Variants in DMRT1 observed in about 807,000 individuals in gnomAD.
The protein encoded by DMRT1 is doublesex and mab-3 related transcription factor 1, also known as doublesex- and mab-3-related transcription factor 1.
A neutral mutation model predicts 32.3 loss-of-function variants in DMRT1; 7 were observed. The ratio of observed to expected loss-of-function variants is 0.22; its 90% confidence interval spans 0.12 to 0.41. DMRT1 has a LOEUF of 0.41. DMRT1 is among the 10% of genes least tolerant of loss of function. The pLI, the probability that DMRT1 is intolerant of heterozygous loss-of-function variation, is 1.00. For synonymous variants in DMRT1, 278 were observed against 206.1 expected, an observed-to-expected ratio of 1.35 and a Z score of -2.99; for missense variants, 625 against 500.5, an observed-to-expected ratio of 1.25 and a Z score of -2.37.
chr9:953,475 C>T (rs1461981798), intron 4 of DMRT1, among the ~76,000 whole-genome samples: 1 of 152,190 alleles, frequency 6.6e-6, no homozygotes, highest in Non-Finnish European at 1.5e-5. Context: ...CGAAAATCTT[C>T]TCTTGCAGTT....
intron 2 of DMRT1, among the ~76,000 whole-genome samples, chr9:868,302 A>G (rs1816079621): frequency 6.6e-6 from 1 of 152,186 alleles, no homozygotes; most frequent in Non-Finnish European, 1.5e-5. Context: ...TTACAAGGCA[A>G]GCATTATCCT....
chr9:849,797 C>A (rs552148078), intron 2 of DMRT1, among the ~76,000 whole-genome samples: 2 of 150,552 alleles, frequency 1.3e-5, no homozygotes, highest in African/African-American at 4.9e-5. Context: ...GGAGCCTTTA[C>A]CTTCTGAGGA....
intron 1 of DMRT1, 30 bp downstream of exon 1, chr9:842,222 C>T (rs1244073808): frequency 1.5e-6 from 2 of 1,338,454 alleles, no homozygotes; most frequent in Non-Finnish European, 2.0e-6. Context: ...AGCCCGGGTT[C>T]AGCCTTAGTT....
chr9:915,537 C>T (rs1180470863), intron 3 of DMRT1, among the ~76,000 whole-genome samples: 3 of 152,018 alleles, frequency 2.0e-5, no homozygotes, highest in Admixed American at 6.6e-5. Flanking sequence ...TACTGCCTTC[C>T]GAGTTTTGCT....
At chr9:935,231 A>G (rs1227786820) in intron 4 of DMRT1, among the ~76,000 whole-genome samples, 3 of 152,226 alleles carry the variant, frequency 2.0e-5, no homozygotes, top group Non-Finnish European at 4.4e-5. Context: ...GTTCCAGTGG[A>G]AAAGCCCCTA....
intron 4 of DMRT1, among the ~76,000 whole-genome samples, chr9:923,944 A>G (rs1488210724): frequency 1.3e-5 from 2 of 152,212 alleles, no homozygotes; most frequent in South Asian, 2.1e-4. Context: ...TTAACTTGGA[A>G]CAGAGAAGTA....
chr9:882,196 A>C (rs2132631578), intron 2 of DMRT1, among the ~76,000 whole-genome samples: 1 of 152,296 alleles, frequency 6.6e-6, no homozygotes, highest in African/African-American at 2.4e-5. Context: ...TAACTTTAGC[A>C]TGCCACTGTG....
chr9:964,593 T>C (rs938147886), intron 4 of DMRT1, among the ~76,000 whole-genome samples: 1 of 152,212 alleles, frequency 6.6e-6, no homozygotes, highest in African/African-American at 2.4e-5. Flanking sequence ...TCAATGATTA[T>C]AGGGTAGTAT....
At chr9:928,251 G>C (rs1818592097) in intron 4 of DMRT1, among the ~76,000 whole-genome samples, 1 of 152,170 alleles carries the variant, frequency 6.6e-6, no homozygotes, top group Non-Finnish European at 1.5e-5. Flanking sequence ...ACAGCAGCCG[G>C]CTCTGCAGTC....
chr9:930,261 G>T (rs1040875161), intron 4 of DMRT1, among the ~76,000 whole-genome samples: 1 of 152,070 alleles, frequency 6.6e-6, no homozygotes, highest in African/African-American at 2.4e-5. Context: ...CCAGGCTAGA[G>T]TGCAGTGGCA....
rs758154407 is a variant in DMRT1, at chr9:841,931, T to G, written c.93T>G (p.Phe31Leu). ...CGCCGCAGGGCAGAGCCGGGGGCTT[T>G]GGCAAAGCGTCTGGGGCGCTAGTGG... ...GVPPQGRAGGFGKASGALVGA... is the reference protein window; with the variant it reads ...GVPPQGRAGGLGKASGALVGA... The change falls in exon 1 of 5, where the codon TTT (phenylalanine) becomes TTG (leucine). Residue 31 changes from phenylalanine (F) to leucine (L), a missense_variant. By Grantham distance (22) the Phe-to-Leu change is conservative. Around this residue, in one of 3 missense-constraint regions of DMRT1, gnomAD observed 201 missense variants for 152.0 expected, o/e 1.32. Transcript: ENST00000382276. 1.9e-6 allele frequency: 3 copies of G among 1,605,314 alleles called. No individual in the cohort carries two copies. Among genetic ancestry groups the G allele is most frequent in the Non-Finnish European group, 2.6e-6 (3 of 1,176,102 alleles).
intron 2 of DMRT1, among the ~76,000 whole-genome samples, chr9:863,331 A>C (rs548158290): frequency 6.6e-6 from 1 of 151,804 alleles, no homozygotes; most frequent in East Asian, 1.9e-4. Flanking sequence ...AAAAAAAAAA[A>C]AAAAAAGGGC....
chr9:967,985 T>C lies in DMRT1; in HGVS notation c.968T>C (p.Val323Ala). Residue 323 changes from valine to alanine, a missense_variant and splice_region_variant, in exon 5 of 5, where the codon GTA (valine) becomes GCA (alanine). Physicochemically the swap from Val to Ala is moderately conservative, Grantham distance 64 (BLOSUM62 0). This residue lies in a region of DMRT1 where 416 missense variants were observed against 321.6 expected (regional missense o/e 1.29). Transcript: ENST00000382276. Reference protein sequence around the residue: ...APSYPEARASVFSPPSSQDSG... With the variant: ...APSYPEARASAFSPPSSQDSG... Reference sequence around the variant, plus strand: ...CTTTCTCTCTCACCTCACTTCGCAGTATTCTCGCCGCCCAGCAGTCAAGAT... The same window carrying C: ...CTTTCTCTCTCACCTCACTTCGCAGCATTCTCGCCGCCCAGCAGTCAAGAT... 1 of 1,606,646 alleles carries C rather than the reference T, an allele frequency of 6.2e-7. No homozygotes were observed. The highest frequency in any genetic ancestry group is 8.5e-7 in the Non-Finnish European group (1 of 1,174,878).
chr9:895,202 G>A (rs529685537), intron 3 of DMRT1, among the ~76,000 whole-genome samples: 2 of 152,312 alleles, frequency 1.3e-5, no homozygotes, highest in Admixed American at 1.3e-4. Context: ...AGAGAAGGGA[G>A]CGTTTATCTA....
At chr9:952,547 G>A (rs1819462302) in intron 4 of DMRT1, among the ~76,000 whole-genome samples, 1 of 152,152 alleles carries the variant, frequency 6.6e-6, no homozygotes, top group South Asian at 2.1e-4. Flanking sequence ...ATGTAAATTG[G>A]TCAGTTTTGA....
intron 4 of DMRT1, among the ~76,000 whole-genome samples, chr9:923,121 C>T (rs955503907): frequency 2.6e-5 from 4 of 152,182 alleles, no homozygotes; most frequent in African/African-American, 4.8e-5. Context: ...GGGTAGCTTG[C>T]ACCTCAGGGA....
chr9:881,075 C>G (rs1452594449), intron 2 of DMRT1, among the ~76,000 whole-genome samples: 3 of 152,048 alleles, frequency 2.0e-5, no homozygotes, highest in Non-Finnish European at 4.4e-5. Context: ...GCAAAGTGGT[C>G]TGGGGTGTGG....
intron 4 of DMRT1, among the ~76,000 whole-genome samples, chr9:957,042 C>A (rs1452344335): frequency 6.6e-6 from 1 of 152,184 alleles, no homozygotes; most frequent in Non-Finnish European, 1.5e-5. Context: ...TATGAATGAT[C>A]CTGTCACCCA....
At chr9:857,033 G>A (rs905199364) in intron 2 of DMRT1, among the ~76,000 whole-genome samples, 2 of 152,198 alleles carry the variant, frequency 1.3e-5, no homozygotes, top group Admixed American at 1.3e-4. Context: ...TTAATATTCA[G>A]GCTGGGTGTG....
Sources: allele counts gnomAD v4.1 joint callset (sites outside exome capture counted in the v4.1 genomes callset), GRCh38; gene constraint gnomAD v4.1.1; regional missense constraint gnomAD v4.1.1; transcripts MANE v1.5; gene names NCBI Gene and HGNC (gene_info 2026-07-23, HGNC 2026-07-21).